Variants in DLG5 observed in about 807,000 individuals in gnomAD.
DLG5 encodes discs large MAGUK scaffold protein 5.
DLG5 carries 48 observed loss-of-function variants against 189.8 expected under a neutral mutation model. The ratio of observed to expected loss-of-function variants is 0.25; its 90% CI spans 0.20 to 0.32. The LOEUF is 0.32. DLG5 is among the 10% of genes least tolerant of loss of function. The probability of loss-of-function intolerance (pLI) is 1.00; values close to 1 mark genes in which losing one functional copy is unlikely to be tolerated. For synonymous variants in DLG5, 1,016 were observed against 1,054.1 expected (o/e 0.96, Z 0.70); for missense variants, 2,160 against 2,544.7 (o/e 0.85, Z 3.25).
At chr10:77,887,107 T>A (rs1180924443) in intron 1 of DLG5, among the ~76,000 whole-genome samples, 2 of 152,156 alleles carry the variant, frequency 1.3e-5, no homozygotes, top group Non-Finnish European at 2.9e-5. Flanking sequence ...AATACAGACA[T>A]CACCCACATA....
chr10:77,926,543 C>G lies in DLG5; in HGVS notation c.-23G>C, dbSNP rs1846701444. On this transcript the variant is annotated 5_prime_UTR_variant, in exon 1 of 32. Transcript: ENST00000372391. This position sits in a 1 kb window ranked among gnomAD's most constrained non-coding sequence, Gnocchi z 5.2. ...CATGGTGGCGGGCCGCGCCGCCCCG[C>G]CCCGCCGGACGCCTCCCGGGCCCCC... The G allele has an allele frequency of 8.1e-7, 1 of 1,241,076 alleles. No individual in the cohort carries two copies. The highest frequency in any genetic ancestry group is 1.6e-5 in the African/African-American group (1 of 63,914). The allele number at this position is 1,241,076 out of a possible 1,614,324, so 76.9% of individuals were successfully genotyped here. A position where few individuals can be genotyped will look rare whatever the true frequency, so the allele number is the denominator to read the frequency against.
At position 77,807,700 on chromosome 10, in the gene DLG5, G is replaced by C; in HGVS notation, c.4796+96C>G. On this transcript the variant is annotated intron_variant, in intron 25 of 31. Transcript: ENST00000372391. ...GATGATCATGGCCCCAGCCTTGGGG[G>C]GCAAGAAACAGAGAGCCATTCACCA... The C allele has an allele frequency of 3.5e-6, 5 of 1,420,614 alleles. No homozygotes were observed. The Admixed American group carries it at 8.2e-5, about 23-fold the overall frequency. The allele number at this position is 1,420,614 out of a possible 1,614,324, so 88.0% of individuals were successfully genotyped here. A position where few individuals can be genotyped will look rare whatever the true frequency, so the allele number is the denominator to read the frequency against.
rs762145595 is a variant in DLG5 at position 77,830,350 on chromosome 10, A to G, written c.1882-6T>C. On this transcript the variant is annotated splice_region_variant and splice_polypyrimidine_tract_variant and intron_variant, in intron 10 of 31. Coordinates refer to ENST00000372391, the MANE Select transcript of DLG5 (RefSeq NM_004747.4). ...GCCTTCAAGTCAATATCCTCCTGCAAAAACAGCAGCAACAGCAACGCATTT... is the reference window on the plus strand; with the variant it reads ...GCCTTCAAGTCAATATCCTCCTGCAGAAACAGCAGCAACAGCAACGCATTT... The G allele has an allele frequency of 1.2e-5, 20 of 1,614,216 alleles. No homozygotes were observed. In the South Asian group the frequency reaches 2.2e-4, roughly 18 times the overall value.
Position 77,825,374 on chromosome 10 carries a change from C to CCACACACACACACACACACACACACACA in DLG5, c.2290-926_2290-899dup, listed in dbSNP as rs59102694. Among the ~76,000 whole-genome samples, 72 of 130,888 alleles carry CCACACACACACACACACACACACACACA rather than the reference C, an allele frequency of 5.5e-4. 1 individual carries two copies. The highest frequency in any genetic ancestry group is 9.7e-4 in the Admixed American group (12 of 12,328). The allele number at this position is 130,888 out of a possible 152,430, so 85.9% of individuals were successfully genotyped here. A position where few individuals can be genotyped will look rare whatever the true frequency, so the allele number is the denominator to read the frequency against. On this transcript the variant is annotated intron_variant, in intron 13 of 31. Transcript: ENST00000372391. ...ACAACATGTGTTTAACCACACACAA[C>CCACACACACACACACACACACACACACA]CACACACACACACACACACACACAC...
chr10:77,821,066 T>C lies in DLG5; in HGVS notation c.3402+16A>G. 2 of 1,589,548 alleles carry C rather than the reference T, an allele frequency of 1.3e-6. No individual in the cohort carries two copies. Among genetic ancestry groups the C allele is most frequent in the Non-Finnish European group, 8.6e-7 (1 of 1,167,040 alleles). On this transcript the variant is annotated intron_variant, in intron 15 of 31. Coordinates refer to ENST00000372391, the MANE Select transcript of DLG5 (RefSeq NM_004747.4). ...CTCTAGGCCTCCCCTCCCCACACCCTGGGGCTCAGCTATACCTCCAGGAAC... is the reference window on the plus strand; with the variant it reads ...CTCTAGGCCTCCCCTCCCCACACCCCGGGGCTCAGCTATACCTCCAGGAAC...
intron 2 of DLG5, 86 bp from the exon 3 acceptor site, chr10:77,856,978 T>C (rs1844266998): frequency 7.4e-7 from 1 of 1,346,732 alleles, no homozygotes; most frequent in Admixed American, 2.3e-5. Context: ...TGGCTTGTGT[T>C]AGCTATTCGT....
chr10:77,810,773 G>T (rs573901529), intron 23 of DLG5, among the ~76,000 whole-genome samples: 135 of 152,366 alleles, frequency 8.9e-4, no homozygotes, highest in African/African-American at 3.1e-3. Flanking sequence ...GGTGGCCAGA[G>T]CCCAGGGCCT....
At chr10:77,856,698 G>A in intron 3 of DLG5, 32 bp downstream of exon 3, 2 of 1,603,588 alleles carry the variant, frequency 1.2e-6, no homozygotes, top group Non-Finnish European at 1.7e-6. Flanking sequence ...CCAACCATGG[G>A]GCCTGGGCAG....
At chr10:77,900,072 T>C (rs1344810858) in intron 1 of DLG5, among the ~76,000 whole-genome samples, 3 of 152,202 alleles carry the variant, frequency 2.0e-5, no homozygotes, top group Non-Finnish European at 4.4e-5. Context: ...CTACAGTGTA[T>C]ATATATTATA....
In DLG5 at chr10:77,859,600, G is replaced by A. The variant is rs75795887; in HGVS notation, c.374-2708C>T. On this transcript the variant is annotated intron_variant, in intron 2 of 31. Coordinates refer to ENST00000372391, the MANE Select transcript of DLG5 (RefSeq NM_004747.4). ...CATGCTGTACAGGTTTGCAGCTCAG[G>A]AGCAACAGGCCATATCGTGTAGCCT... 7.6e-3 allele frequency among the ~76,000 whole-genome samples: 1,152 copies of A among 152,318 alleles called. 15 individuals carry two copies. The highest frequency in any genetic ancestry group is 0.026 in the African/African-American group (1,101 of 41,554).
intron 1 of DLG5, among the ~76,000 whole-genome samples, chr10:77,920,767 G>A (rs760442921): frequency 6.6e-6 from 1 of 152,136 alleles, no homozygotes; most frequent in Non-Finnish European, 1.5e-5. Flanking sequence ...TGAACAGAGG[G>A]GCCTGAGGTC....
At chr10:77,909,971 CAAG>C (rs1265267695) in intron 1 of DLG5, among the ~76,000 whole-genome samples, 6 of 152,090 alleles carry the variant, frequency 3.9e-5, no homozygotes, top group African/African-American at 1.4e-4. Flanking sequence ...TGTGACTAAG[CAAG>C]AAGAAGCCAC....
At chr10:77,866,980 C>T (rs1387525771) in intron 2 of DLG5, 1 of 457,292 alleles carries the variant, frequency 2.2e-6, no homozygotes, top group Non-Finnish European at 4.4e-6. Flanking sequence ...AATATCCAGA[C>T]ACAGACAGTA....
chr10:77,886,083 A>G lies in DLG5; in HGVS notation c.305-16886T>C, dbSNP rs371088907. Among the ~76,000 whole-genome samples the G allele has an allele frequency of 3.0e-4, 45 of 152,378 alleles. No homozygotes were observed. The East Asian group carries it at 8.5e-3, about 29-fold the overall frequency. On this transcript the variant is annotated intron_variant, in intron 1 of 31. Coordinates refer to ENST00000372391, the MANE Select transcript of DLG5 (RefSeq NM_004747.4). The stretch of plus-strand genomic sequence containing the variant: ...CCAATGGCTCCCAGCCTGGCTGTTC[A>G]TCAGAATCATCCAAGCTGCTCTTTA...
intron 15 of DLG5, chr10:77,820,445 G>C (rs1842289821): frequency 6.0e-6 from 1 of 166,526 alleles, no homozygotes; most frequent in Non-Finnish European, 1.3e-5. Context: ...TGGGGCACAG[G>C]AAGGGACATG....
In DLG5 at chr10:77,829,970, C is replaced by A. The variant is rs150754790; in HGVS notation, c.2009+247G>T. Among the ~76,000 whole-genome samples the A allele has an allele frequency of 2.5e-4, 38 of 152,314 alleles. No individual in the cohort carries two copies. In the East Asian group the frequency reaches 7.3e-3, roughly 29 times the overall value. ...TGGGCTCTCACGCATACCCCTTGAG[C>A]ACTTTCCCACCCAAAGGAGCAAAAG... is the stretch of plus-strand genomic sequence containing the variant. On this transcript the variant is annotated intron_variant, in intron 11 of 31. Transcript: ENST00000372391.
intron 9 of DLG5, among the ~76,000 whole-genome samples, chr10:77,833,214 T>C (rs1184357891): frequency 6.6e-6 from 1 of 152,202 alleles, no homozygotes; most frequent in Non-Finnish European, 1.5e-5. Context: ...TAAAGGCCAC[T>C]GAGTGTTTAA....
At chr10:77,798,374 G>A (rs1016218939) in intron 27 of DLG5, among the ~76,000 whole-genome samples, 2 of 151,936 alleles carry the variant, frequency 1.3e-5, no homozygotes, top group Admixed American at 6.6e-5. Flanking sequence ...GGAGTCACGG[G>A]GCAAAGAACT....
At chr10:77,846,756 C>G (rs1188104488) in intron 5 of DLG5, 1 of 455,912 alleles carries the variant, frequency 2.2e-6, no homozygotes, top group Non-Finnish European at 4.4e-6. Context: ...CAAGTGAGAA[C>G]CCCATTGGCT....
Sources: gnomAD v4.1 joint callset for allele counts (sites outside exome capture counted in the v4.1 genomes callset) on GRCh38, gnomAD v4.1.1 for gene constraint, Gnocchi (gnomAD v3.1) non-coding constraint, MANE v1.5 for transcripts, NCBI Gene and HGNC (gene_info 2026-07-23, HGNC 2026-07-21) for gene names.